The following COCH variants were observed in gnomAD, a reference collection of about 807,000 sequenced individuals.
COCH encodes cochlin, also known as coagulation factor C homolog, cochlin (Limulus polyphemus).
Under a neutral mutation model 54.8 loss-of-function variants are expected in COCH, and 40 were observed. The ratio of observed to expected loss-of-function variants is 0.73; its 90% CI spans 0.57 to 0.95. The LOEUF (loss-of-function observed/expected upper bound fraction) is 0.95, where lower values mean the gene tolerates loss of function less well. Among genes scored for constraint, COCH ranks in the 40% least tolerant of loss-of-function variants. COCH has a pLI of 0.00. For missense variants in COCH, 605 were observed against 675.0 expected, an observed-to-expected ratio of 0.90 and a Z score of 1.15; for synonymous variants, 256 against 237.9, an observed-to-expected ratio of 1.08 and a Z score of -0.70.
At position 30,885,943 on chromosome 14, in the gene COCH, T is replaced by C; in HGVS notation, c.1108T>C (p.Phe370Leu). 1 of 1,614,230 alleles carries C rather than the reference T, an allele frequency of 6.2e-7. No homozygotes were observed. Among genetic ancestry groups the C allele is most frequent in the South Asian group, 1.1e-5 (1 of 91,088 alleles). The change falls in exon 11 of 12, where the codon TTT (phenylalanine) becomes CTT (leucine). Residue 370 changes from phenylalanine to leucine, a missense_variant. Coordinates refer to ENST00000396618, the MANE Select transcript of COCH (RefSeq NM_004086.3). ...KTCYNSVNIA[F>L]LIDGSSSVGD... ...CTGTTATAACTCAGTGAACATTGCC[T>C]TTCTAATTGATGGCTCCAGCAGTGT... is the stretch of plus-strand genomic sequence containing the variant.
Position 30,875,066 on chromosome 14 carries a change from G to A in COCH, c.45G>A (p.Leu15=). 1 of 1,602,548 alleles carries A rather than the reference G, an allele frequency of 6.2e-7. No homozygotes were observed. The highest frequency in any genetic ancestry group is 1.1e-5 in the South Asian group (1 of 89,950). Residue 15 remains leucine, a synonymous_variant, in exon 3 of 12, where the codon CTG becomes CTA. Transcript: ENST00000396618. Reference sequence around the variant, plus strand: ...CTTCTCTCTTCGCAGGTGTGTGTCTGCTGCTGCTGCCGGGGCCCGCGGGCA... The same window carrying A: ...CTTCTCTCTTCGCAGGTGTGTGTCTACTGCTGCTGCCGGGGCCCGCGGGCA... ...WIPALGLGVC[L]LLLPGPAGSE... is the part of the protein sequence containing the mutation.
At chr14:30,888,468 A>G (rs1895866877) in intron 11 of COCH, among the ~76,000 whole-genome samples, 1 of 152,124 alleles carries the variant, frequency 6.6e-6, no homozygotes, top group Non-Finnish European at 1.5e-5. Context: ...CATTAGATAG[A>G]TGGTACTCTA....
chr14:30,883,320 A>G (rs1895677699), intron 8 of COCH, among the ~76,000 whole-genome samples: 1 of 152,102 alleles, frequency 6.6e-6, no homozygotes, highest in Non-Finnish European at 1.5e-5. Context: ...TTTTCTGACT[A>G]CTTTGACCCA....
Position 30,880,600 on chromosome 14 carries a change from C to G in COCH, c.495C>G (p.Asp165Glu), listed in dbSNP as rs1895542689. Residue 165 changes from aspartate (D) to glutamate (E), a missense_variant, in exon 8 of 12, where the codon GAC (aspartate) becomes GAG (glutamate). By Grantham distance (45) the Asp-to-Glu change is conservative. Coordinates refer to ENST00000396618, the MANE Select transcript of COCH (RefSeq NM_004086.3). ...KKTGNKDCKA[D>E]IAFLIDGSFN... ...GGTTGTTCGCAGATTGTAAAGCAGA[C>G]ATTGCATTTCTGATTGATGGAAGCT... 1.2e-6 allele frequency: 2 copies of G among 1,614,074 alleles called. No individual in the cohort carries two copies. Among genetic ancestry groups the G allele is most frequent in the Admixed American group, 3.3e-5 (2 of 60,016 alleles).
At chr14:30,893,271 C>T (rs1400152195), downstream of COCH, among the ~76,000 whole-genome samples, 1 of 151,324 alleles carries the variant, frequency 6.6e-6, no homozygotes, top group African/African-American at 2.4e-5. Context: ...CTCAGCCTCC[C>T]GAGTAGCTGG....
chr14:30,892,364 G>A (rs1179105464), downstream of COCH, among the ~76,000 whole-genome samples: 2 of 152,070 alleles, frequency 1.3e-5, no homozygotes, highest in Non-Finnish European at 2.9e-5. Context: ...GTACTGGGTT[G>A]GAATAGGTGC....
chr14:30,893,140 A>T (rs1216695540), downstream of COCH, among the ~76,000 whole-genome samples: 1 of 97,530 alleles, frequency 1.0e-5, no homozygotes, highest in Non-Finnish European at 2.5e-5. Flanking sequence ...ACAAACGGCA[A>T]AAACCACAAT....
chr14:30,879,829 T>A (rs1158833650), intron 6 of COCH, among the ~76,000 whole-genome samples: 1 of 151,496 alleles, frequency 6.6e-6, no homozygotes, highest in East Asian at 2.0e-4. Flanking sequence ...ATTTTTAATT[T>A]TTTTTATTTT....
intron 11 of COCH, among the ~76,000 whole-genome samples, chr14:30,887,726 A>G (rs1895839667): frequency 6.6e-6 from 1 of 152,208 alleles, no homozygotes; most frequent in South Asian, 2.1e-4. Context: ...ACACATTAGT[A>G]CCTCTGCCAA....
chr14:30,885,909 C>T lies in COCH; in HGVS notation c.1074C>T (p.Cys358=). Residue 358 remains cysteine, a synonymous_variant, in exon 11 of 12, where the codon TGC becomes TGT. Transcript: ENST00000396618. The part of the protein sequence containing the change: ...QKLCTHEQMM[C]SKTCYNSVNI... ...TGTGCACTCATGAACAAATGATGTG[C>T]AGCAAGACCTGTTATAACTCAGTGA... is the stretch of plus-strand genomic sequence containing the variant. 2 of 1,614,178 alleles carry T rather than the reference C, an allele frequency of 1.2e-6. No homozygotes were observed. Among genetic ancestry groups the T allele is most frequent in the South Asian group, 1.1e-5 (1 of 91,084 alleles).
Position 30,877,253 on chromosome 14 carries a change from G to A in COCH, c.83-319G>A, listed in dbSNP as rs2138835556. 2.8e-6 allele frequency: 1 copy of A among 355,174 alleles called. No homozygotes were observed. The highest frequency in any genetic ancestry group is 4.1e-5 in the Admixed American group (1 of 24,336). 22.0% of individuals were successfully genotyped at this position (355,174 alleles called of 1,614,324 possible). ...CTGTAATCCCAGCTACTAGGGAGTTGGAGGTGGATCACTTGAGCTCGGGAA... is the reference window on the plus strand; with the variant it reads ...CTGTAATCCCAGCTACTAGGGAGTTAGAGGTGGATCACTTGAGCTCGGGAA... On this transcript the variant is annotated intron_variant, in intron 3 of 11. Coordinates refer to ENST00000396618, the MANE Select transcript of COCH (RefSeq NM_004086.3). This position sits in a 1 kb window ranked among gnomAD's most constrained non-coding sequence, Gnocchi z 8.6.
At position 30,885,419 on chromosome 14, in the gene COCH, G is replaced by A; in HGVS notation, c.759G>A (p.Gln253=). The A allele has an allele frequency of 1.9e-6, 3 of 1,614,142 alleles. 1 individual carries two copies. The highest frequency in any genetic ancestry group is 3.3e-4 in the Middle Eastern group (2 of 6,062). The change falls in exon 10 of 12, where the codon CAG becomes CAA. Residue 253 remains glutamine (Q), a synonymous_variant. Coordinates refer to ENST00000396618, the MANE Select transcript of COCH (RefSeq NM_004086.3). ...GAAAAGCCTTGAAGCATACTGCTCA[G>A]AAATTCTTCACGGTAGATGCTGGAG... ...NTGKALKHTA[Q]KFFTVDAGVR...
Position 30,877,381 on chromosome 14 carries a change from A to C in COCH, c.83-191A>C. 1.6e-6 allele frequency: 1 copy of C among 642,202 alleles called. No individual in the cohort carries two copies. The highest frequency in any genetic ancestry group is 2.6e-6 in the Non-Finnish European group (1 of 377,366). The allele number at this position is 642,202 out of a possible 1,614,324, so 39.8% of individuals were successfully genotyped here. A position where few individuals can be genotyped will look rare whatever the true frequency, so the allele number is the denominator to read the frequency against. On this transcript the variant is annotated intron_variant, in intron 3 of 11. Coordinates refer to ENST00000396618, the MANE Select transcript of COCH (RefSeq NM_004086.3). This position sits in a 1 kb window ranked among gnomAD's most constrained non-coding sequence, Gnocchi z 8.6. ...TAGAGTTTTATAGTGGCTGGGGACT[A>C]TATTAAATTGGAAAACAACCTTGTG... is the stretch of plus-strand genomic sequence containing the variant.
Position 30,890,478 on chromosome 14 carries a change from C to T in COCH, c.*687C>T, listed in dbSNP as rs1438776865. On this transcript the variant is annotated 3_prime_UTR_variant, in exon 12 of 12. Transcript: ENST00000396618. ...TATATTTGGCTTATATTCTAAGTCA[C>T]CTAAGTACTTAAAAGTTAAGTTGGT... is the stretch of plus-strand genomic sequence containing the variant. 1.2e-5 allele frequency: 11 copies of T among 937,358 alleles called. No homozygotes were observed. The highest frequency in any genetic ancestry group is 1.8e-5 in the African/African-American group (1 of 55,974). 58.1% of individuals were successfully genotyped at this position (937,358 alleles called of 1,614,324 possible). A position where few individuals can be genotyped will look rare whatever the true frequency, so the allele number is the denominator to read the frequency against.
Position 30,879,021 on chromosome 14 carries a change from C to A in COCH, c.373+77C>A, listed in dbSNP as rs1895476112. ...TTTTCTGCTTTTTTTAGCTCAGCCT[C>A]TTTAACCTTGATGGAAAAACCTGTG... is the stretch of plus-strand genomic sequence containing the variant. On this transcript the variant is annotated intron_variant, in intron 5 of 11. Coordinates refer to ENST00000396618, the MANE Select transcript of COCH (RefSeq NM_004086.3). 4 of 1,571,238 alleles carry A rather than the reference C, an allele frequency of 2.5e-6. No individual in the cohort carries two copies. In the Admixed American group the frequency reaches 5.0e-5, roughly 20 times the overall value.
chr14:30,890,451 GAT>G lies in COCH; in HGVS notation c.*665_*666del, dbSNP rs1387164942. 5 of 952,306 alleles carry G rather than the reference GAT, an allele frequency of 5.3e-6. No homozygotes were observed. In the Admixed American group the frequency reaches 3.1e-4, roughly 59 times the overall value. The allele number at this position is 952,306 out of a possible 1,614,324, so 59.0% of individuals were successfully genotyped here. On this transcript the variant is annotated 3_prime_UTR_variant, in exon 12 of 12. Transcript: ENST00000396618. ...CTCTCCTTAATTTTATATGTATATA[GAT>G]ATATTTGGCTTATATTCTAAGTCAC...
Position 30,884,552 on chromosome 14 carries a change from G to A in COCH, c.630-1G>A. 1.2e-6 allele frequency: 2 copies of A among 1,602,688 alleles called. No individual in the cohort carries two copies. Among genetic ancestry groups the A allele is most frequent in the African/African-American group, 1.3e-5 (1 of 74,762 alleles). On this transcript the variant is annotated splice_acceptor_variant, in intron 8 of 11. Transcript: ENST00000396618. LOFTEE classifies it high-confidence loss of function. Reference sequence around the variant, plus strand: ...AATAACATTTTCTTTCTTCCACTCAGTGAACATCCCAAAATAGAATTTTAC... The same window carrying A: ...AATAACATTTTCTTTCTTCCACTCAATGAACATCCCAAAATAGAATTTTAC...
chr14:30,874,808 T>A lies in COCH; in HGVS notation c.-23-108T>A, dbSNP rs141450555. 638 of 1,052,772 alleles carry A rather than the reference T, an allele frequency of 6.1e-4. 1 individual carries two copies. The African/African-American group carries it at 8.8e-3, about 14-fold the overall frequency. 65.2% of individuals were successfully genotyped at this position (1,052,772 alleles called of 1,614,324 possible). A position where few individuals can be genotyped will look rare whatever the true frequency, so the allele number is the denominator to read the frequency against. On this transcript the variant is annotated intron_variant, in intron 1 of 11. Transcript: ENST00000396618. ...CTGGAGCAGCGGGTCGTCTGTGTCC[T>A]CTCTCCTCTGCGCCGCGCCCGGGGA...
chr14:30,876,733 A>G lies in COCH; in HGVS notation c.83-839A>G, dbSNP rs539130116. ...TATGAAAATGTTCCACAAAGGCTCA[A>G]TCCAGATTTACTATCTTTACCTCAA... On this transcript the variant is annotated intron_variant, in intron 3 of 11. Coordinates refer to ENST00000396618, the MANE Select transcript of COCH (RefSeq NM_004086.3). 7.9e-5 allele frequency among the ~76,000 whole-genome samples: 12 copies of G among 152,328 alleles called. No individual in the cohort carries two copies. In the South Asian group the frequency reaches 2.5e-3, roughly 32 times the overall value.
Sources: allele counts gnomAD v4.1 joint callset (sites outside exome capture counted in the v4.1 genomes callset), GRCh38; gene constraint gnomAD v4.1.1; non-coding constraint Gnocchi (gnomAD v3.1); transcripts MANE v1.5; gene names NCBI Gene and HGNC (gene_info 2026-07-23, HGNC 2026-07-21).